The following NME9 variants were observed in gnomAD, a reference collection of about 807,000 sequenced individuals.
NME9 encodes the protein thioredoxin domain-containing protein 6.
In NME9, 48 loss-of-function variants were observed where a neutral mutation model predicts 44.4. The ratio of observed to expected loss-of-function variants is 1.08; its 90% confidence interval spans 0.86 to 1.37. The LOEUF (loss-of-function observed/expected upper bound fraction) is 1.37, where lower values mean the gene tolerates loss of function less well. Among genes scored for constraint, NME9 ranks in the 40% most tolerant of loss-of-function variants. The pLI is 0.00. For synonymous variants in NME9, 139 were observed against 147.1 expected, an observed-to-expected ratio of 0.94 and a Z score of 0.40; for missense variants, 325 against 405.2, an observed-to-expected ratio of 0.80 and a Z score of 1.70.
At chr3:138,276,297 C>T (rs1005133036) in intron 8 of NME9, among the ~76,000 whole-genome samples, 1 of 152,196 alleles carries the variant, frequency 6.6e-6, no homozygotes, top group Non-Finnish European at 1.5e-5. Context: ...ATAAGCTGCA[C>T]ATATTTAAAG....
In NME9 at chr3:138,314,506, AAC is replaced by A. The variant is rs1437534347; in HGVS notation, c.385-101_385-100del. ...GAAACTAAAAAAAGCAAAGCTCCAA[AAC>A]ACAGAGAAAAAAATGTCAAAATTAT... On this transcript the variant is annotated intron_variant, in intron 5 of 10. Transcript: ENST00000333911. 1.3e-5 allele frequency: 9 copies of A among 715,478 alleles called. No homozygotes were observed. The African/African-American group carries it at 1.6e-4, about 13-fold the overall frequency. The allele number at this position is 715,478 out of a possible 1,614,324, so 44.3% of individuals were successfully genotyped here.
At position 138,294,223 on chromosome 3, in the gene NME9, G is replaced by T. The variant is rs139114762; in HGVS notation, c.745+9284C>A. Reference sequence around the variant, plus strand: ...AGAATATATCTCTCAGGTTCCTTTTGTCGTTAAGACTTTGATCCTTTGACT... The same window carrying T: ...AGAATATATCTCTCAGGTTCCTTTTTTCGTTAAGACTTTGATCCTTTGACT... On this transcript the variant is annotated intron_variant, in intron 8 of 8. Coordinates refer to the NME9 transcript ENST00000317876. Among the ~76,000 whole-genome samples the T allele has an allele frequency of 6.8e-4, 104 of 152,262 alleles. 1 individual carries two copies. In the East Asian group the frequency reaches 0.014, roughly 21 times the overall value.
chr3:138,272,921 A>G (rs773357441), intron 8 of NME9: 5 of 1,360,900 alleles, frequency 3.7e-6, no homozygotes, highest in Non-Finnish European at 3.9e-6. Context: ...ATAATTTAAT[A>G]AAGTAAATGT....
rs748394515 is a variant in NME9, at chr3:138,324,975, C to T, written c.34-45G>A. The T allele has an allele frequency of 5.4e-6, 8 of 1,480,394 alleles. No homozygotes were observed. The Admixed American group carries it at 1.4e-4, about 25-fold the overall frequency. The allele number at this position is 1,480,394 out of a possible 1,614,324, so 91.7% of individuals were successfully genotyped here. ...AATGCCGTATTACTGAGGGCTCAGG[C>T]AGGGAAACAATTCAATCTATTTGCT... On this transcript the variant is annotated intron_variant, in intron 1 of 10. Transcript: ENST00000333911.
downstream of NME9, among the ~76,000 whole-genome samples, chr3:138,300,247 G>A (rs746237458): frequency 1.3e-5 from 2 of 152,218 alleles, no homozygotes; most frequent in Non-Finnish European, 2.9e-5. Flanking sequence ...GCCTTAAACA[G>A]TAGGGCCTAC....
chr3:138,315,516 C>A lies in NME9; in HGVS notation c.384+11G>T. ...GTGAGTTAGCTGCTTATAGAAGTGA[C>A]CTCCAGTTACCACTTTCCGTTCTCT... is the stretch of plus-strand genomic sequence containing the variant. On this transcript the variant is annotated intron_variant, in intron 5 of 10. Coordinates refer to ENST00000333911, the MANE Select transcript of NME9 (RefSeq NM_001349018.2). The A allele has an allele frequency of 6.6e-7, 1 of 1,525,720 alleles. No individual in the cohort carries two copies. The highest frequency in any genetic ancestry group is 8.8e-7 in the Non-Finnish European group (1 of 1,137,450). 94.5% of individuals were successfully genotyped at this position (1,525,720 alleles called of 1,614,324 possible). A position where few individuals can be genotyped will look rare whatever the true frequency, so the allele number is the denominator to read the frequency against.
chr3:138,297,707 T>G (rs1159492336), downstream of NME9: 1 of 152,232 alleles, frequency 6.6e-6, no homozygotes, highest in Non-Finnish European at 1.5e-5. Flanking sequence ...GGACTTGGTT[T>G]TGTGCAGATA....
At chr3:138,321,276 T>G (rs1035509397) in intron 2 of NME9, among the ~76,000 whole-genome samples, 5 of 152,204 alleles carry the variant, frequency 3.3e-5, no homozygotes, top group Non-Finnish European at 7.3e-5. Context: ...TTATCACAGT[T>G]CTGGAGGCTA....
rs548283676 is a variant in NME9, at chr3:138,287,932, G to A, written c.745+15575C>T. 6.4e-5 allele frequency: 14 copies of A among 219,788 alleles called. No individual in the cohort carries two copies. The East Asian group carries it at 8.4e-4, about 13-fold the overall frequency. The allele number at this position is 219,788 out of a possible 1,614,324, so 13.6% of individuals were successfully genotyped here. A position where few individuals can be genotyped will look rare whatever the true frequency, so the allele number is the denominator to read the frequency against. Reference sequence around the variant, plus strand: ...TTATTGAGTCCTTTTTCATTCAGGCGAAAACACCCTATCCAAAGCAACCAG... The same window carrying A: ...TTATTGAGTCCTTTTTCATTCAGGCAAAAACACCCTATCCAAAGCAACCAG... On this transcript the variant is annotated intron_variant, in intron 8 of 8. Coordinates refer to the NME9 transcript ENST00000317876.
intron 6 of NME9, among the ~76,000 whole-genome samples, chr3:138,312,570 A>C (rs2052774107): frequency 6.6e-6 from 1 of 152,238 alleles, no homozygotes; most frequent in South Asian, 2.1e-4. Flanking sequence ...GAATGAAATT[A>C]CACCCCTATT....
chr3:138,297,987 C>A (rs1560075854), downstream of NME9: 1 of 152,200 alleles, frequency 6.6e-6, no homozygotes, highest in African/African-American at 2.4e-5. Context: ...TAAATTTTGC[C>A]TGTGGGTATA....
intron 8 of NME9, among the ~76,000 whole-genome samples, chr3:138,275,211 A>G (rs144602532): frequency 3.9e-4 from 59 of 152,320 alleles, no homozygotes; most frequent in African/African-American, 1.4e-3. Context: ...GATACTGGCG[A>G]TCTTCAGTTT....
intron 4 of NME9, among the ~76,000 whole-genome samples, chr3:138,316,983 C>T (rs2053133147): frequency 6.6e-6 from 1 of 152,146 alleles, no homozygotes; most frequent in African/African-American, 2.4e-5. Context: ...AGAGTGGGTC[C>T]TCCTTCCATT....
chr3:138,290,702 G>A, intron 8 of NME9: 2 of 1,090,540 alleles, frequency 1.8e-6, no homozygotes, highest in Non-Finnish European at 2.7e-6. Flanking sequence ...GAAAGGGTTT[G>A]AATTGCTTGG....
At chr3:138,296,219 T>A (rs2051470743), downstream of NME9, 2 of 255,030 alleles carry the variant, frequency 7.8e-6, no homozygotes, top group Admixed American at 5.5e-5. Flanking sequence ...TGAATATGTC[T>A]GTGTGAACAC....
At chr3:138,303,763 T>C in intron 9 of NME9, 120 bp from the exon 10 acceptor site, 2 of 857,118 alleles carry the variant, frequency 2.3e-6, no homozygotes, top group Non-Finnish European at 3.6e-6. Context: ...GAAATTGATT[T>C]CTCTGCAGGA....
In NME9 at chr3:138,319,359, A is replaced by G. The variant is rs949249067; in HGVS notation, c.195+119T>C. The G allele has an allele frequency of 1.2e-4, 75 of 643,754 alleles. 3 individuals carry two copies. In the South Asian group the frequency reaches 1.3e-3, roughly 11 times the overall value. The allele number at this position is 643,754 out of a possible 1,614,324, so 39.9% of individuals were successfully genotyped here. ...ATGACAGTATCAACAAAAAGTCCAC[A>G]CTGATTCCTTTTTAATGACCTGAGA... On this transcript the variant is annotated intron_variant, in intron 3 of 10. Coordinates refer to ENST00000333911, the MANE Select transcript of NME9 (RefSeq NM_001349018.2).
chr3:138,308,238 G>C (rs1462650341), intron 6 of NME9, among the ~76,000 whole-genome samples: 1 of 152,148 alleles, frequency 6.6e-6, no homozygotes, highest in African/African-American at 2.4e-5. Flanking sequence ...CTTCTCCGTT[G>C]TTAGAATCCA....
downstream of NME9, among the ~76,000 whole-genome samples, chr3:138,298,780 G>A (rs1395221908): frequency 3.9e-5 from 6 of 152,278 alleles, no homozygotes; most frequent in South Asian, 2.1e-4. Context: ...GGTGCTCTTC[G>A]TCTACTACGC....
Sources: gnomAD v4.1 joint callset for allele counts (sites outside exome capture counted in the v4.1 genomes callset) on GRCh38, gnomAD v4.1.1 for gene constraint, MANE v1.5 for transcripts, NCBI Gene and HGNC (gene_info 2026-07-23, HGNC 2026-07-21) for gene names.